NCAM2: variants seen among roughly 807,000 people sequenced by gnomAD.
NCAM2 encodes N-CAM-2.
NCAM2 carries 30 observed loss-of-function variants against 98.1 expected under a neutral mutation model. The ratio of observed to expected loss-of-function variants is 0.31; its 90% CI spans 0.23 to 0.41. The LOEUF (loss-of-function observed/expected upper bound fraction) is 0.41. Ranked by LOEUF, NCAM2 falls within the 10% of genes least tolerant of loss-of-function variation. NCAM2 has a pLI of 1.00. For missense variants in NCAM2, 867 were observed against 1,005.8 expected (o/e 0.86, Z 1.87); for synonymous variants, 368 against 342.4 (o/e 1.07, Z -0.83).
At chr21:21,292,060 C>G in intron 4 of NCAM2, 44 bp from the exon 5 acceptor site, 1 of 1,584,894 alleles carries the variant, frequency 6.3e-7, no homozygotes, top group Non-Finnish European at 8.6e-7. Flanking sequence ...TGGACTTAGC[C>G]TTCAATTACT....
At chr21:21,531,644 G>T (rs1024145304) in intron 16 of NCAM2, among the ~76,000 whole-genome samples, 3 of 151,950 alleles carry the variant, frequency 2.0e-5, no homozygotes, top group Non-Finnish European at 1.5e-5. Flanking sequence ...TCTATACATT[G>T]TGAAACTTAT....
chr21:21,377,000 T>C (rs2076048497), intron 9 of NCAM2, among the ~76,000 whole-genome samples: 1 of 151,768 alleles, frequency 6.6e-6, no homozygotes, highest in Admixed American at 6.6e-5. Flanking sequence ...CATGTAAATA[T>C]AACTACTTTT....
intron 16 of NCAM2, among the ~76,000 whole-genome samples, chr21:21,528,095 A>G (rs1027737709): frequency 1.3e-5 from 2 of 152,232 alleles, no homozygotes; most frequent in African/African-American, 2.4e-5. Flanking sequence ...CCAATTTTAA[A>G]AGACTACCTA....
chr21:21,201,175 A>G (rs989650071), intron 1 of NCAM2, among the ~76,000 whole-genome samples: 1 of 152,172 alleles, frequency 6.6e-6, no homozygotes, highest in African/African-American at 2.4e-5. Context: ...ATACACGTGT[A>G]TAATTTATTT....
intron 6 of NCAM2, among the ~76,000 whole-genome samples, chr21:21,332,516 T>C (rs943309155): frequency 1.3e-5 from 2 of 152,164 alleles, no homozygotes; most frequent in African/African-American, 4.8e-5. Flanking sequence ...TCTGGAATTA[T>C]TGTACTTTAT....
At chr21:21,366,275 A>G (rs963967144) in intron 8 of NCAM2, among the ~76,000 whole-genome samples, 4 of 152,094 alleles carry the variant, frequency 2.6e-5, no homozygotes, top group Non-Finnish European at 5.9e-5. Context: ...ATGATATTGT[A>G]GCATCTCCTG....
At chr21:21,425,040 C>CAAAAAAAAAAAAAAAAAA (rs1192128472) in intron 11 of NCAM2, among the ~76,000 whole-genome samples, 2 of 43,852 alleles carry the variant, frequency 4.6e-5, no homozygotes, top group African/African-American at 8.5e-5. Context: ...CTTCCTCCTC[C>CAAAAAAAAAAAAAAAAAA]AAAAAAAAAA....
chr21:21,350,881 A>G lies in NCAM2; in HGVS notation c.1044+12347A>G, dbSNP rs570118077. Among the ~76,000 whole-genome samples, 11 of 150,140 alleles carry G rather than the reference A, an allele frequency of 7.3e-5. No individual in the cohort carries two copies. In the East Asian group the frequency reaches 2.2e-3, roughly 30 times the overall value. ...GGCAGGTGGATCACGAGGTCAGGAG[A>G]TGGAGACCATCATGGCTAACAGGGT... On this transcript the variant is annotated intron_variant, in intron 8 of 17. Transcript: ENST00000400546.
chr21:21,435,458 T>G (rs1978299589), intron 12 of NCAM2, among the ~76,000 whole-genome samples: 2 of 152,158 alleles, frequency 1.3e-5, no homozygotes, highest in South Asian at 4.1e-4. Flanking sequence ...GAAGACTTAC[T>G]AGTTTCATCA....
At chr21:21,049,425 T>C (rs1050867057) in intron 1 of NCAM2, among the ~76,000 whole-genome samples, 27 of 152,248 alleles carry the variant, frequency 1.8e-4, no homozygotes, top group African/African-American at 6.3e-4. Context: ...GTTTGATTCT[T>C]TTTAATAGAT....
intron 1 of NCAM2, among the ~76,000 whole-genome samples, chr21:21,172,861 A>G (rs550209354): frequency 6.6e-6 from 1 of 152,144 alleles, no homozygotes; most frequent in Non-Finnish European, 1.5e-5. Flanking sequence ...TATTTTCCAA[A>G]TGTATATTTT....
intron 1 of NCAM2, among the ~76,000 whole-genome samples, chr21:21,121,566 A>G (rs932629062): frequency 1.3e-5 from 2 of 152,172 alleles, no homozygotes; most frequent in Non-Finnish European, 2.9e-5. Flanking sequence ...GTGTCTGTTA[A>G]TCAACTAATA....
At chr21:21,324,668 A>G (rs1246603624) in intron 6 of NCAM2, among the ~76,000 whole-genome samples, 168 bp downstream of exon 6, 2 of 152,128 alleles carry the variant, frequency 1.3e-5, no homozygotes, top group African/African-American at 4.8e-5. Flanking sequence ...TTAAACTGCT[A>G]AAGAGATCAA....
intron 15 of NCAM2, among the ~76,000 whole-genome samples, chr21:21,503,871 T>A (rs1252420373): frequency 6.6e-6 from 1 of 151,790 alleles, no homozygotes; most frequent in Non-Finnish European, 1.5e-5. Context: ...TATTCTAAAT[T>A]ATTTATTCTT....
chr21:21,380,805 G>A (rs1425106484), intron 9 of NCAM2, among the ~76,000 whole-genome samples: 1 of 152,170 alleles, frequency 6.6e-6, no homozygotes, highest in Non-Finnish European at 1.5e-5. Flanking sequence ...TAATGTGTTT[G>A]CAGTTTCCGA....
At chr21:21,225,882 T>C (rs909696967) in intron 1 of NCAM2, among the ~76,000 whole-genome samples, 1 of 152,190 alleles carries the variant, frequency 6.6e-6, no homozygotes, top group Admixed American at 6.6e-5. Context: ...TTTATATGTT[T>C]ATCATAGCAC....
intron 1 of NCAM2, among the ~76,000 whole-genome samples, chr21:21,224,010 C>G (rs919874370): frequency 2.6e-5 from 4 of 152,040 alleles, no homozygotes; most frequent in Non-Finnish European, 4.4e-5. Context: ...AGTGGGAGGC[C>G]CAGAGCTCTC....
At chr21:21,328,585 A>T (rs1346108245) in intron 6 of NCAM2, among the ~76,000 whole-genome samples, 1 of 151,990 alleles carries the variant, frequency 6.6e-6, no homozygotes, top group Non-Finnish European at 1.5e-5. Context: ...CCTTTAAAAA[A>T]AAAAAAAATT....
intron 1 of NCAM2, among the ~76,000 whole-genome samples, chr21:21,124,893 A>G (rs996394033): frequency 6.6e-6 from 1 of 152,138 alleles, no homozygotes; most frequent in African/African-American, 2.4e-5. Flanking sequence ...GCCTGATTGT[A>G]TCATTTTAGA....
Sources: allele counts gnomAD v4.1 joint callset (sites outside exome capture counted in the v4.1 genomes callset), GRCh38; gene constraint gnomAD v4.1.1; transcripts MANE v1.5; gene names NCBI Gene and HGNC (gene_info 2026-07-23, HGNC 2026-07-21).